Variants in PTPN2 observed in about 807,000 individuals in gnomAD.
PTPN2 encodes tyrosine-protein phosphatase non-receptor type 2.
In PTPN2, 19 loss-of-function variants were observed where a neutral mutation model predicts 57.3. That is an observed-to-expected ratio of 0.33 (90% CI 0.23 to 0.49). The LOEUF is 0.49. Among genes scored for constraint, PTPN2 ranks in the 20% least tolerant of loss-of-function variants. The probability of loss-of-function intolerance (pLI) is 0.99; values close to 1 mark genes in which losing one functional copy is unlikely to be tolerated. For missense variants in PTPN2, 358 were observed against 501.1 expected, an observed-to-expected ratio of 0.71 and a Z score of 2.73; for synonymous variants, 153 against 164.9, an observed-to-expected ratio of 0.93 and a Z score of 0.55.
intron 1 of PTPN2, among the ~76,000 whole-genome samples, chr18:12,874,641 T>G (rs1175882495): frequency 3.5e-5 from 4 of 112,936 alleles, no homozygotes; most frequent in Non-Finnish European, 3.6e-5. Flanking sequence ...GGTGGGGGGG[T>G]CAGCCCCCCG....
chr18:12,873,662 C>T (rs2044356182), intron 1 of PTPN2, among the ~76,000 whole-genome samples: 1 of 152,234 alleles, frequency 6.6e-6, no homozygotes, highest in Non-Finnish European at 1.5e-5. Flanking sequence ...CAGCCGCCTG[C>T]CTTGGCCTCC....
At chr18:12,804,094 G>A (rs2041532157) in intron 7 of PTPN2, among the ~76,000 whole-genome samples, 1 of 152,060 alleles carries the variant, frequency 6.6e-6, no homozygotes, top group Admixed American at 6.5e-5. Context: ...GAGGTGAGGA[G>A]TTTGAGACCA....
intron 2 of PTPN2, among the ~76,000 whole-genome samples, chr18:12,845,073 A>G (rs1056215957): frequency 6.6e-6 from 1 of 152,218 alleles, no homozygotes; most frequent in Non-Finnish European, 1.5e-5. Context: ...ATTAAGTTTT[A>G]AAACTAGGTA....
At position 12,825,196 on chromosome 18, in the gene PTPN2, C is replaced by T. The variant is rs557692639; in HGVS notation, c.495+614G>A. ...GTGTGTATGTATGTATGTATGTGTGCGTGTTACATATATATATAAAACACC... is the reference window on the plus strand; with the variant it reads ...GTGTGTATGTATGTATGTATGTGTGTGTGTTACATATATATATAAAACACC... On this transcript the variant is annotated intron_variant, in intron 5 of 8. Coordinates refer to ENST00000309660, the MANE Select transcript of PTPN2 (RefSeq NM_002828.4). 2.0e-4 allele frequency among the ~76,000 whole-genome samples: 31 copies of T among 152,164 alleles called. No individual in the cohort carries two copies. In the South Asian group the frequency reaches 6.0e-3, roughly 30 times the overall value.
chr18:12,801,744 T>C, intron 8 of PTPN2: 1 of 454,940 alleles, frequency 2.2e-6, no homozygotes, highest in Non-Finnish European at 4.0e-6. Context: ...ATTTTGTTTA[T>C]TTTCTGTAGA....
chr18:12,878,861 G>A (rs2044579499), intron 1 of PTPN2, among the ~76,000 whole-genome samples: 1 of 152,056 alleles, frequency 6.6e-6, no homozygotes, highest in Non-Finnish European at 1.5e-5. Flanking sequence ...AAAAAAGAAA[G>A]GAATTTAAAA....
chr18:12,882,609 C>T (rs944158270), intron 1 of PTPN2, among the ~76,000 whole-genome samples: 1 of 152,246 alleles, frequency 6.6e-6, no homozygotes, highest in Non-Finnish European at 1.5e-5. Flanking sequence ...CTGGCAGGCT[C>T]TCTCACATGA....
chr18:12,845,885 C>T (rs1216422955), intron 2 of PTPN2, among the ~76,000 whole-genome samples: 1 of 152,128 alleles, frequency 6.6e-6, no homozygotes, highest in Non-Finnish European at 1.5e-5. Flanking sequence ...GTATAGCCAT[C>T]GAAATTATAA....
At chr18:12,859,037 G>A (rs954389348) in intron 2 of PTPN2, 127 bp downstream of exon 2, 1 of 579,640 alleles carries the variant, frequency 1.7e-6, no homozygotes, top group Non-Finnish European at 3.0e-6. Flanking sequence ...TAAAGAACGT[G>A]TCTTACGTAA....
At chr18:12,860,512 G>A (rs1235530528) in intron 1 of PTPN2, among the ~76,000 whole-genome samples, 4 of 152,104 alleles carry the variant, frequency 2.6e-5, no homozygotes, top group South Asian at 2.1e-4. Flanking sequence ...CAGGAGAATC[G>A]CTTGAAACCG....
intron 5 of PTPN2, among the ~76,000 whole-genome samples, chr18:12,817,589 A>G (rs1425596727): frequency 6.6e-6 from 1 of 152,190 alleles, no homozygotes; most frequent in Non-Finnish European, 1.5e-5. Flanking sequence ...AACACTTACT[A>G]TTTTGGAGGC....
chr18:12,812,954 A>G (rs991524140), intron 7 of PTPN2, among the ~76,000 whole-genome samples: 1 of 152,012 alleles, frequency 6.6e-6, no homozygotes, highest in African/African-American at 2.4e-5. Flanking sequence ...AGAAAAACTC[A>G]TCTCTGTGAT....
chr18:12,872,834 C>T (rs180874110), intron 1 of PTPN2, among the ~76,000 whole-genome samples: 1 of 152,318 alleles, frequency 6.6e-6, no homozygotes, highest in East Asian at 1.9e-4. Flanking sequence ...AACATTAAAT[C>T]GGCACAACAT....
At chr18:12,845,095 C>T (rs2043169469) in intron 2 of PTPN2, among the ~76,000 whole-genome samples, 1 of 152,170 alleles carries the variant, frequency 6.6e-6, no homozygotes, top group Non-Finnish European at 1.5e-5. Context: ...AGTGATTCTT[C>T]TAGTTTTTAT....
intron 2 of PTPN2, among the ~76,000 whole-genome samples, chr18:12,857,868 A>C (rs569577906): frequency 6.6e-6 from 1 of 152,380 alleles, no homozygotes; most frequent in South Asian, 2.1e-4. Context: ...CATTAAGAGA[A>C]ACATAGTATT....
chr18:12,883,314 G>A (rs1176844327), intron 1 of PTPN2, among the ~76,000 whole-genome samples: 2 of 152,244 alleles, frequency 1.3e-5, no homozygotes, highest in Non-Finnish European at 2.9e-5. Context: ...CACAAGCAAA[G>A]CCTCTTTCGT....
At chr18:12,871,327 C>T (rs2044262703) in intron 1 of PTPN2, among the ~76,000 whole-genome samples, 1 of 152,126 alleles carries the variant, frequency 6.6e-6, no homozygotes, top group Non-Finnish European at 1.5e-5. Context: ...CTGAGCTTCA[C>T]CTACACAATT....
chr18:12,810,489 A>T (rs2041855008), intron 7 of PTPN2, among the ~76,000 whole-genome samples: 1 of 152,158 alleles, frequency 6.6e-6, no homozygotes, highest in African/African-American at 2.4e-5. Flanking sequence ...TCTGTTGCCC[A>T]GGCCAGAATG....
chr18:12,834,111 G>C (rs1274450656), intron 3 of PTPN2, among the ~76,000 whole-genome samples: 4 of 152,184 alleles, frequency 2.6e-5, no homozygotes, highest in Non-Finnish European at 5.9e-5. Context: ...TGGATCATCT[G>C]AGGCCAGGAG....
Sources: gnomAD v4.1 joint callset for allele counts (sites outside exome capture counted in the v4.1 genomes callset) on GRCh38, gnomAD v4.1.1 for gene constraint, MANE v1.5 for transcripts, NCBI Gene and HGNC (gene_info 2026-07-23, HGNC 2026-07-21) for gene names.